Variants in TESMIN observed in about 807,000 individuals in gnomAD.
The protein encoded by TESMIN is testis expressed metallothionein like protein.
Under a neutral mutation model 47.4 loss-of-function variants are expected in TESMIN, and 34 were observed. The observed-to-expected ratio is 0.72, with a 90% CI of 0.55 to 0.96. The LOEUF (loss-of-function observed/expected upper bound fraction) is 0.96, where lower values mean the gene tolerates loss of function less well. Ranked by LOEUF, TESMIN falls within the 40% of genes least tolerant of loss-of-function variation. The pLI, the probability that TESMIN is intolerant of heterozygous loss-of-function variation, is 0.00. For synonymous variants in TESMIN, 278 were observed against 258.9 expected (o/e 1.07, Z -0.71); for missense variants, 610 against 637.2 (o/e 0.96, Z 0.46).
intron 5 of TESMIN, among the ~76,000 whole-genome samples, chr11:68,739,767 G>C (rs1178098367): frequency 1.3e-5 from 2 of 152,234 alleles, no homozygotes; most frequent in Non-Finnish European, 2.9e-5. Context: ...TCTTGCTCGT[G>C]CACAGAAGGG....
chr11:68,743,112 G>C lies in TESMIN; in HGVS notation c.752-718C>G, dbSNP rs116100176. On this transcript the variant is annotated intron_variant, in intron 4 of 9. Coordinates refer to ENST00000255087, the MANE Select transcript of TESMIN (RefSeq NM_004923.3). Reference sequence around the variant, plus strand: ...AGACTGGTCTTCAACTACTGGGCTCGAGCAATCCTCCGGCCTGGCCTCACA... The same window carrying C: ...AGACTGGTCTTCAACTACTGGGCTCCAGCAATCCTCCGGCCTGGCCTCACA... Among the ~76,000 whole-genome samples the C allele has an allele frequency of 5.7e-3, 862 of 152,156 alleles. 4 individuals carry two copies. Among genetic ancestry groups the C allele is most frequent in the African/African-American group, 0.019 (803 of 41,528 alleles).
intron 6 of TESMIN, among the ~76,000 whole-genome samples, chr11:68,731,676 G>A (rs897636987): frequency 1.3e-5 from 2 of 152,134 alleles, no homozygotes; most frequent in African/African-American, 4.8e-5. Flanking sequence ...AGCAAGCAAC[G>A]GAGGATCCCC....
rs374593005 is a variant in TESMIN at position 68,748,997 on chromosome 11, G to A, written c.471+1193C>T. On this transcript the variant is annotated intron_variant, in intron 2 of 9. Coordinates refer to ENST00000255087, the MANE Select transcript of TESMIN (RefSeq NM_004923.3). Reference sequence around the variant, plus strand: ...ATTACAGGTGTGCGCCACCACACCCGGTTAATTTTTGTATTATCTTCCCTG... The same window carrying A: ...ATTACAGGTGTGCGCCACCACACCCAGTTAATTTTTGTATTATCTTCCCTG... 5.9e-4 allele frequency among the ~76,000 whole-genome samples: 90 copies of A among 152,194 alleles called. 1 individual carries two copies. Among genetic ancestry groups the A allele is most frequent in the African/African-American group, 2.1e-3 (87 of 41,524 alleles).
intron 2 of TESMIN, among the ~76,000 whole-genome samples, chr11:68,749,776 T>C (rs1185878942): frequency 6.6e-6 from 1 of 151,666 alleles, no homozygotes; most frequent in Non-Finnish European, 1.5e-5. Flanking sequence ...AAATGCAAGA[T>C]GCAAACACGC....
At chr11:68,745,246 T>A in intron 3 of TESMIN, 135 bp from the exon 4 acceptor site, 1 of 784,618 alleles carries the variant, frequency 1.3e-6, no homozygotes, top group South Asian at 2.0e-5. Flanking sequence ...AAACTATAGA[T>A]CTGTTTTCGA....
Position 68,750,503 on chromosome 11 carries a change from T to TA in TESMIN, c.157dup (p.Tyr53LeufsTer107). 1.2e-6 allele frequency: 2 copies of TA among 1,603,626 alleles called. No individual in the cohort carries two copies. The highest frequency in any genetic ancestry group is 2.2e-5 in the South Asian group (2 of 89,098). On this transcript the variant is annotated frameshift_variant, in exon 2 of 10. Coordinates refer to ENST00000255087, the MANE Select transcript of TESMIN (RefSeq NM_004923.3). LOFTEE classifies it high-confidence loss of function. Reference sequence around the variant, plus strand: ...TTCCTTGGGGTCCGCCGGGCCCAGGTACGCTTCTTTGAAGACGTGGAACTC... The same window carrying TA: ...TTCCTTGGGGTCCGCCGGGCCCAGGTAACGCTTCTTTGAAGACGTGGAACTC...
intron 6 of TESMIN, among the ~76,000 whole-genome samples, chr11:68,734,514 A>G (rs1433364018): frequency 6.6e-6 from 1 of 152,204 alleles, no homozygotes; most frequent in Non-Finnish European, 1.5e-5. Context: ...GACAAAAACC[A>G]AACTAGATGA....
chr11:68,749,979 G>C (rs1169809737), intron 2 of TESMIN, among the ~76,000 whole-genome samples: 2 of 152,190 alleles, frequency 1.3e-5, no homozygotes, highest in Non-Finnish European at 2.9e-5. Flanking sequence ...ATTCCCTCCA[G>C]GGGAAAGGGC....
At chr11:68,727,166 T>C (rs563467844) in intron 6 of TESMIN, among the ~76,000 whole-genome samples, 5 of 151,918 alleles carry the variant, frequency 3.3e-5, no homozygotes, top group South Asian at 2.1e-4. Flanking sequence ...AAAGGCTGAG[T>C]GCAGTGGCTC....
chr11:68,720,103 C>T (rs151218966), intron 6 of TESMIN, among the ~76,000 whole-genome samples: 49 of 152,282 alleles, frequency 3.2e-4, no homozygotes, highest in African/African-American at 1.2e-3. Context: ...AAACAGCAGA[C>T]TGTTTTCAAA....
rs768639963 is a variant in TESMIN, at chr11:68,713,302, C to T, written c.1126G>A (p.Gly376Ser). ...HNKGCNCRRS[G>S]CLKNYCECYE... ...CACTCGCAGTAATTCTTCAGGCAGC[C>T]TGACCTCCTGCAGTTGCACCCTTTG... Residue 376 changes from glycine to serine, a missense_variant, in exon 8 of 10, where the codon GGC (glycine) becomes AGC (serine). Physicochemically the swap from Gly to Ser is moderately conservative, Grantham distance 56 (BLOSUM62 0). Transcript: ENST00000255087. 1.9e-6 allele frequency: 3 copies of T among 1,614,192 alleles called. No individual in the cohort carries two copies. Among genetic ancestry groups the T allele is most frequent in the Non-Finnish European group, 2.5e-6 (3 of 1,180,028 alleles).
chr11:68,747,069 T>C, intron 3 of TESMIN, 139 bp downstream of exon 3: 1 of 847,196 alleles, frequency 1.2e-6, no homozygotes, highest in South Asian at 1.6e-5. Context: ...GTCCCTGTTT[T>C]GCTAATGAGA....
intron 6 of TESMIN, among the ~76,000 whole-genome samples, chr11:68,727,761 T>C (rs562846985): frequency 3.7e-4 from 57 of 152,370 alleles, no homozygotes; most frequent in Non-Finnish European, 7.6e-4. Context: ...TTCATGTCTC[T>C]TTATCATATT....
rs183317774 is a variant in TESMIN, at chr11:68,708,151, C to T, written c.*157G>A. The T allele has an allele frequency of 1.4e-3, 981 of 685,106 alleles. 7 individuals carry two copies. The highest frequency in any genetic ancestry group is 8.8e-4 in the Non-Finnish European group (360 of 411,060). The allele number at this position is 685,106 out of a possible 1,614,324, so 42.4% of individuals were successfully genotyped here. ...CCTCAGAAAAGGGGGCATGGGTTGC[C>T]ACATCTTCAGAGAGCTCTGAGTAAA... On this transcript the variant is annotated 3_prime_UTR_variant, in exon 10 of 10. Coordinates refer to ENST00000255087, the MANE Select transcript of TESMIN (RefSeq NM_004923.3).
At chr11:68,741,503 G>C (rs769081757) in intron 5 of TESMIN, among the ~76,000 whole-genome samples, 25 of 152,158 alleles carry the variant, frequency 1.6e-4, no homozygotes, top group South Asian at 4.1e-4. Context: ...GATGTAATTG[G>C]CTTCCTATTA....
chr11:68,716,982 C>T (rs1426987203), intron 6 of TESMIN, among the ~76,000 whole-genome samples: 6 of 152,180 alleles, frequency 3.9e-5, no homozygotes, highest in Non-Finnish European at 5.9e-5. Flanking sequence ...GCTTTGCAAG[C>T]TGTAGAGTGG....
chr11:68,721,253 C>G (rs1273661131), intron 6 of TESMIN, among the ~76,000 whole-genome samples: 2 of 152,206 alleles, frequency 1.3e-5, no homozygotes, highest in African/African-American at 2.4e-5. Flanking sequence ...GGTCTTCTTT[C>G]TGTTCCTAGA....
intron 7 of TESMIN, among the ~76,000 whole-genome samples, chr11:68,715,251 C>T (rs940731804): frequency 6.6e-6 from 1 of 152,148 alleles, no homozygotes; most frequent in Non-Finnish European, 1.5e-5. Context: ...CCCTGATTAT[C>T]TTTTGTGCCT....
At chr11:68,710,823 CA>C in intron 9 of TESMIN, 50 bp downstream of exon 9, 1 of 1,495,402 alleles carries the variant, frequency 6.7e-7, no homozygotes, top group Non-Finnish European at 9.1e-7. Context: ...ATTCTCCTCT[CA>C]AATTAACCTC....
Sources: gnomAD v4.1 joint callset for allele counts (sites outside exome capture counted in the v4.1 genomes callset) on GRCh38, gnomAD v4.1.1 for gene constraint, MANE v1.5 for transcripts, NCBI Gene and HGNC (gene_info 2026-07-23, HGNC 2026-07-21) for gene names.